PGM5: variants seen among roughly 807,000 people sequenced by gnomAD.
The protein encoded by PGM5 is phosphoglucomutase 5, also known as phosphoglucomutase-like protein 5.
In PGM5, 23 loss-of-function variants were observed where a neutral mutation model predicts 59.2. That is an observed-to-expected ratio of 0.39 (90% CI 0.28 to 0.55). The LOEUF (loss-of-function observed/expected upper bound fraction) is 0.55. PGM5 is among the 20% of genes least tolerant of loss of function. The probability of loss-of-function intolerance (pLI) is 0.66; values close to 1 mark genes in which losing one functional copy is unlikely to be tolerated. For missense variants in PGM5, 574 were observed against 748.3 expected, an observed-to-expected ratio of 0.77 and a Z score of 2.72; for synonymous variants, 214 against 286.0, an observed-to-expected ratio of 0.75 and a Z score of 2.54.
In PGM5 at chr9:68,392,483, G is replaced by T. The variant is rs1822390061; in HGVS notation, c.1043+10G>T. The T allele has an allele frequency of 1.2e-6, 2 of 1,609,262 alleles. No homozygotes were observed. Among genetic ancestry groups the T allele is most frequent in the African/African-American group, 1.3e-5 (1 of 74,626 alleles). On this transcript the variant is annotated intron_variant, in intron 6 of 10. Transcript: ENST00000396396. The stretch of plus-strand genomic sequence containing the variant: ...GCATGGCCCTGGACAGGTAAGCAAG[G>T]ATGTCACCGTGAAAAACTTTATGGT...
At chr9:68,513,638 T>C (rs1824784768) in intron 10 of PGM5, among the ~76,000 whole-genome samples, 1 of 152,216 alleles carries the variant, frequency 6.6e-6, no homozygotes, top group Admixed American at 6.5e-5. Context: ...TCAGTCACAT[T>C]AACAGTGATC....
rs1823453049 is a variant in PGM5, at chr9:68,437,113, CTTCA to C, written c.1044-27977_1044-27974del. On this transcript the variant is annotated intron_variant, in intron 6 of 10. Coordinates refer to ENST00000396396, the MANE Select transcript of PGM5 (RefSeq NM_021965.4). This position sits in a 1 kb window ranked among gnomAD's most constrained non-coding sequence, Gnocchi z 4.1. ...AAATGTGTTTGTAGCATACATTTGG[CTTCA>C]TTATCTCCATCAGTTCACATCACTT... is the stretch of plus-strand genomic sequence containing the variant. 6.6e-6 allele frequency among the ~76,000 whole-genome samples: 1 copy of C among 152,142 alleles called. No individual in the cohort carries two copies. Among genetic ancestry groups the C allele is most frequent in the African/African-American group, 2.4e-5 (1 of 41,432 alleles).
At chr9:68,523,564 GTGT>G (rs1315277068) in intron 10 of PGM5, among the ~76,000 whole-genome samples, 1 of 152,236 alleles carries the variant, frequency 6.6e-6, no homozygotes, top group African/African-American at 2.4e-5. Context: ...CAAAGTGGGA[GTGT>G]TGTTAGTTGA....
At chr9:68,405,952 T>C (rs1554681108) in intron 6 of PGM5, 1 of 152,146 alleles carries the variant, frequency 6.6e-6, no homozygotes, top group African/African-American at 2.4e-5. Context: ...AGCTGGGGAG[T>C]GTTTTTAAAT....
intron 6 of PGM5, chr9:68,397,929 A>G (rs2132020993): frequency 6.6e-6 from 1 of 152,378 alleles, no homozygotes; most frequent in African/African-American, 2.4e-5. Context: ...CCAATCCCCA[A>G]TCTAAAATAT....
intron 6 of PGM5, among the ~76,000 whole-genome samples, chr9:68,433,605 A>G (rs1823392420): frequency 6.6e-6 from 1 of 152,164 alleles, no homozygotes. Context: ...TCCAGTTCGA[A>G]TCAGTTTGAT....
chr9:68,415,939 T>G (rs1554681948), intron 6 of PGM5, among the ~76,000 whole-genome samples: 1 of 151,700 alleles, frequency 6.6e-6, no homozygotes. Flanking sequence ...ATAGAAATTA[T>G]GTTTTCTGGG....
At chr9:68,472,637 A>C (rs1421925045) in intron 7 of PGM5, among the ~76,000 whole-genome samples, 1 of 152,208 alleles carries the variant, frequency 6.6e-6, no homozygotes, top group African/African-American at 2.4e-5. Context: ...TATGCACTAC[A>C]TACTAAAGAG....
At chr9:68,467,865 A>G (rs1823958728) in intron 7 of PGM5, among the ~76,000 whole-genome samples, 1 of 152,198 alleles carries the variant, frequency 6.6e-6, no homozygotes, top group African/African-American at 2.4e-5. Context: ...CCTTAGTTGC[A>G]ATTATAGTAA....
At chr9:68,404,484 A>G (rs781959517) in intron 6 of PGM5, among the ~76,000 whole-genome samples, 11 of 152,208 alleles carry the variant, frequency 7.2e-5, no homozygotes, top group African/African-American at 9.7e-5. Flanking sequence ...AAAGATATCA[A>G]TTAAGTACAA....
chr9:68,521,637 G>A (rs1202739486), intron 10 of PGM5, among the ~76,000 whole-genome samples: 2 of 152,214 alleles, frequency 1.3e-5, no homozygotes, highest in Non-Finnish European at 2.9e-5. Context: ...GTGAAGACAT[G>A]TGAGGGACAT....
At chr9:68,376,786 TTTCTTTC>T (rs1289649687) in intron 1 of PGM5, among the ~76,000 whole-genome samples, 3 of 100,448 alleles carry the variant, frequency 3.0e-5, no homozygotes, top group African/African-American at 1.2e-4. Context: ...TCTTTCTTTC[TTTCTTTC>T]TTTCTTTCTT....
chr9:68,359,903 G>A (rs533017503), intron 1 of PGM5, among the ~76,000 whole-genome samples: 143 of 152,200 alleles, frequency 9.4e-4, no homozygotes, highest in African/African-American at 3.2e-3. Flanking sequence ...GAGTGCAATG[G>A]CACAGTCTTG....
chr9:68,401,725 T>A (rs12554251), intron 6 of PGM5, among the ~76,000 whole-genome samples: 49,094 of 151,388 alleles, frequency 0.32, 7,847 homozygotes, highest in Middle Eastern at 0.38. Flanking sequence ...AGGCTACATT[T>A]GGTTAAATAA....
intron 6 of PGM5, among the ~76,000 whole-genome samples, chr9:68,447,159 G>A (rs892886814): frequency 1.3e-5 from 2 of 152,168 alleles, no homozygotes; most frequent in Non-Finnish European, 2.9e-5. Context: ...GTGCCAAGCC[G>A]GAGGGAGGGA....
At chr9:68,379,885 C>T (rs1237825217) in intron 2 of PGM5, among the ~76,000 whole-genome samples, 1 of 151,846 alleles carries the variant, frequency 6.6e-6, no homozygotes, top group Admixed American at 6.6e-5. Context: ...ATAAAGAGGT[C>T]ATCTTATCAA....
intron 2 of PGM5, among the ~76,000 whole-genome samples, chr9:68,378,664 A>C (rs2482186): frequency 3.3e-5 from 5 of 152,314 alleles, no homozygotes; most frequent in Admixed American, 1.3e-4. Context: ...GTCTAAATGA[A>C]AATGACCCTC....
At chr9:68,513,684 C>T (rs1045322253) in intron 10 of PGM5, among the ~76,000 whole-genome samples, 6 of 152,168 alleles carry the variant, frequency 3.9e-5, no homozygotes, top group African/African-American at 1.2e-4. Flanking sequence ...CACCCCATTT[C>T]CCTAGGAAGT....
intron 6 of PGM5, among the ~76,000 whole-genome samples, chr9:68,416,404 C>G (rs1195804508): frequency 1.1e-4 from 16 of 152,154 alleles, no homozygotes; most frequent in African/African-American, 3.9e-4. Flanking sequence ...TTTCAGTTGC[C>G]TACTGTGGTA....
Sources: allele counts gnomAD v4.1 joint callset (sites outside exome capture counted in the v4.1 genomes callset), GRCh38; gene constraint gnomAD v4.1.1; non-coding constraint Gnocchi (gnomAD v3.1); transcripts MANE v1.5; gene names NCBI Gene and HGNC (gene_info 2026-07-23, HGNC 2026-07-21).